The following CADM2 variants were observed in gnomAD, a reference collection of about 807,000 sequenced individuals.
The protein encoded by CADM2 is immunoglobulin superfamily member 4D.
Under a neutral mutation model 49.8 loss-of-function variants are expected in CADM2, and 12 were observed. That is an observed-to-expected ratio of 0.24 (90% CI 0.15 to 0.39). CADM2 has a LOEUF of 0.39. CADM2 is among the 10% of genes least tolerant of loss of function. CADM2 has a pLI of 1.00. For synonymous variants in CADM2, 214 were observed against 175.4 expected (o/e 1.22, Z -1.74); for missense variants, 378 against 492.3 (o/e 0.77, Z 2.20).
intron 1 of CADM2, among the ~76,000 whole-genome samples, chr3:85,386,425 A>G (rs2107376989): frequency 6.6e-6 from 1 of 152,290 alleles, no homozygotes; most frequent in Middle Eastern, 3.4e-3. Context: ...GAGCAAGCTA[A>G]GAAATTCACA....
At chr3:85,077,535 C>T (rs1180542138) in intron 1 of CADM2, among the ~76,000 whole-genome samples, 1 of 152,018 alleles carries the variant, frequency 6.6e-6, no homozygotes, top group Non-Finnish European at 1.5e-5. Flanking sequence ...TAACTCTATT[C>T]TTGTAAACCC....
At chr3:85,838,318 G>T (rs983504309) in intron 3 of CADM2, among the ~76,000 whole-genome samples, 6 of 151,706 alleles carry the variant, frequency 4.0e-5, no homozygotes, top group Non-Finnish European at 8.8e-5. Flanking sequence ...TAAAAATGTA[G>T]GGCCCTTACT....
At chr3:85,212,812 C>CTCCTTCTTTCTT (rs1553696299) in intron 1 of CADM2, among the ~76,000 whole-genome samples, 19 of 102,542 alleles carry the variant, frequency 1.9e-4, no homozygotes, top group Non-Finnish European at 3.9e-4. Flanking sequence ...TCTTTTTCTT[C>CTCCTTCTTTCTT]TCTTTCTTTC....
chr3:84,988,179 CAAAG>C lies in CADM2; in HGVS notation c.61+28513_61+28516del, dbSNP rs150275449. Among the ~76,000 whole-genome samples, 661 of 152,292 alleles carry C rather than the reference CAAAG, an allele frequency of 4.3e-3. 2 individuals carry two copies. Among genetic ancestry groups the C allele is most frequent in the Middle Eastern group, 6.8e-3 (2 of 294 alleles). On this transcript the variant is annotated intron_variant, in intron 1 of 9. Coordinates refer to ENST00000383699, the MANE Select transcript of CADM2 (RefSeq NM_001167675.2). ...TGCCTGTTTTGGAGTGTCTGGGAAA[CAAAG>C]AGAGAGGGAGAGAGAGAGGCATTTG...
intron 1 of CADM2, among the ~76,000 whole-genome samples, chr3:85,508,619 AT>A (rs2040465351): frequency 6.6e-6 from 1 of 152,202 alleles, no homozygotes; most frequent in Admixed American, 6.5e-5. Context: ...CGGCTAGAAG[AT>A]TAGTATCTCC....
At chr3:85,235,878 G>T (rs1031791981) in intron 1 of CADM2, among the ~76,000 whole-genome samples, 1 of 152,090 alleles carries the variant, frequency 6.6e-6, no homozygotes, top group Admixed American at 6.6e-5. Flanking sequence ...AGTCAATCCT[G>T]TAGGTAACCA....
chr3:86,033,680 T>A (rs954505496), intron 8 of CADM2, among the ~76,000 whole-genome samples: 2 of 146,534 alleles, frequency 1.4e-5, no homozygotes, highest in East Asian at 3.9e-4. Context: ...TGTATATATA[T>A]ATATATGAGA....
rs143136612 is a variant in CADM2, at chr3:85,102,929, A to G, written c.61+143261A>G. 9.8e-4 allele frequency among the ~76,000 whole-genome samples: 149 copies of G among 152,284 alleles called. 2 individuals are homozygous for G. The East Asian group carries it at 0.023, about 23-fold the overall frequency. On this transcript the variant is annotated intron_variant, in intron 1 of 9. Transcript: ENST00000383699. ...CTTTGTTCACAGGCCTTGTGAGTCAATGATAAGGTAACCTAAGACACATTT... is the reference window on the plus strand; with the variant it reads ...CTTTGTTCACAGGCCTTGTGAGTCAGTGATAAGGTAACCTAAGACACATTT...
chr3:85,778,318 C>T (rs1307229696), intron 2 of CADM2, among the ~76,000 whole-genome samples: 2 of 152,068 alleles, frequency 1.3e-5, no homozygotes, highest in African/African-American at 4.8e-5. Flanking sequence ...TAAAAATGCT[C>T]ATTTTAAAAA....
chr3:85,835,139 TTAAA>T (rs1259379374), intron 3 of CADM2, among the ~76,000 whole-genome samples: 1 of 151,540 alleles, frequency 6.6e-6, no homozygotes, highest in African/African-American at 2.4e-5. Flanking sequence ...TTTTAAAAAT[TTAAA>T]TAAGGCTTTA....
At chr3:85,234,854 T>A (rs909486457) in intron 1 of CADM2, among the ~76,000 whole-genome samples, 2 of 152,144 alleles carry the variant, frequency 1.3e-5, no homozygotes, top group African/African-American at 2.4e-5. Flanking sequence ...AGTGAGGTCT[T>A]CTGTATAAAC....
Position 85,018,819 on chromosome 3 carries a change from A to G in CADM2, c.61+59151A>G, listed in dbSNP as rs994247961. 1.2e-4 allele frequency among the ~76,000 whole-genome samples: 18 copies of G among 152,318 alleles called. No homozygotes were observed. In the South Asian group the frequency reaches 3.3e-3, roughly 28 times the overall value. On this transcript the variant is annotated intron_variant, in intron 1 of 9. Transcript: ENST00000383699. ...ATTTAATTAGGATATGCTAATTGAT[A>G]TAACAAACAACTCCAAAATATCAAT...
rs113566523 is a variant in CADM2, at chr3:85,624,335, T to A, written c.62-102187T>A. On this transcript the variant is annotated intron_variant, in intron 1 of 9. Coordinates refer to ENST00000383699, the MANE Select transcript of CADM2 (RefSeq NM_001167675.2). ...ACTCAAAATGCTTTTATAGAAACTC[T>A]TTTTTAATTTTTTTTGAGATGGAGT... is the stretch of plus-strand genomic sequence containing the variant. 3.9e-3 allele frequency among the ~76,000 whole-genome samples: 594 copies of A among 152,206 alleles called. 3 individuals are homozygous for A. The highest frequency in any genetic ancestry group is 0.013 in the African/African-American group (532 of 41,546).
chr3:85,706,676 C>A (rs1463681698), intron 1 of CADM2, among the ~76,000 whole-genome samples: 1 of 152,186 alleles, frequency 6.6e-6, no homozygotes, highest in South Asian at 2.1e-4. Flanking sequence ...AAAAAATATA[C>A]ATTTCTCAAT....
At chr3:84,971,400 A>G (rs1051252184) in intron 1 of CADM2, among the ~76,000 whole-genome samples, 1 of 152,190 alleles carries the variant, frequency 6.6e-6, no homozygotes, top group African/African-American at 2.4e-5. Flanking sequence ...AAATTTATAC[A>G]GGATAGTTTC....
intron 5 of CADM2, among the ~76,000 whole-genome samples, chr3:85,890,008 G>A (rs1031628655): frequency 6.6e-6 from 1 of 152,092 alleles, no homozygotes; most frequent in Non-Finnish European, 1.5e-5. Context: ...CTTAAACAAT[G>A]TATAAACCAA....
At chr3:85,211,941 T>C (rs1249252277) in intron 1 of CADM2, among the ~76,000 whole-genome samples, 3 of 152,178 alleles carry the variant, frequency 2.0e-5, no homozygotes, top group African/African-American at 7.2e-5. Context: ...ATATTTGCTT[T>C]ATATATCTGG....
At chr3:86,041,904 A>G (rs1735992692) in intron 8 of CADM2, among the ~76,000 whole-genome samples, 1 of 152,228 alleles carries the variant, frequency 6.6e-6, no homozygotes, top group Non-Finnish European at 1.5e-5. Context: ...CAATCAAACT[A>G]GAACTCAGGA....
chr3:85,773,069 C>T (rs1445780549), intron 2 of CADM2, among the ~76,000 whole-genome samples: 2 of 151,778 alleles, frequency 1.3e-5, no homozygotes, highest in South Asian at 2.1e-4. Flanking sequence ...TTTTCTTGTT[C>T]GCATATTGAT....
Sources: gnomAD v4.1 joint callset for allele counts (sites outside exome capture counted in the v4.1 genomes callset) on GRCh38, gnomAD v4.1.1 for gene constraint, MANE v1.5 for transcripts, NCBI Gene and HGNC (gene_info 2026-07-23, HGNC 2026-07-21) for gene names.